SRSF3: variants seen among roughly 807,000 people sequenced by gnomAD.
SRSF3 encodes serine/arginine-rich splicing factor 3.
For missense variants in SRSF3, 58 were observed against 217.1 expected, an observed-to-expected ratio of 0.27 and a Z score of 4.61; for synonymous variants, 87 against 73.6, an observed-to-expected ratio of 1.18 and a Z score of -0.93.
chr6:36,601,661 T>A (rs1778718159), intron 4 of SRSF3, 47 bp from the exon 5 acceptor site: 1 of 1,495,364 alleles, frequency 6.7e-7, no homozygotes, highest in Non-Finnish European at 9.2e-7. Context: ...TATTTATGTA[T>A]AATTTTATCA....
At chr6:36,596,032 GTTC>G (rs201554665) in intron 1 of SRSF3, among the ~76,000 whole-genome samples, 4,013 of 152,148 alleles carry the variant, frequency 0.026, 62 homozygotes, top group African/African-American at 0.039. Flanking sequence ...TCAAGCGATT[GTTC>G]TGCCTCAGCC....
chr6:36,597,130 G>A, intron 2 of SRSF3, 162 bp downstream of exon 2: 3 of 636,488 alleles, frequency 4.7e-6, no homozygotes, highest in South Asian at 2.0e-5. Flanking sequence ...GTGGGGAGAC[G>A]AGTCTTGCAC....
intron 3 of SRSF3, chr6:36,599,900 G>A (rs1460715014): frequency 7.4e-7 from 1 of 1,351,618 alleles, no homozygotes; most frequent in African/African-American, 1.5e-5. Context: ...CATGTGACCA[G>A]CGCGCCCCAT....
rs562535751 is a variant in SRSF3, at chr6:36,598,659, G to A, written c.207-190G>A. ...GGCCTCATAAAGTGTTGGGATTACA[G>A]GCGTGTACCACCGTGCCTGGCCAAA... On this transcript the variant is annotated intron_variant, in intron 2 of 5. Coordinates refer to ENST00000373715, the MANE Select transcript of SRSF3 (RefSeq NM_003017.5). 4 of 611,198 alleles carry A rather than the reference G, an allele frequency of 6.5e-6. No individual in the cohort carries two copies. The South Asian group carries it at 8.3e-5, about 13-fold the overall frequency. The allele number at this position is 611,198 out of a possible 1,614,324, so 37.9% of individuals were successfully genotyped here. A position where few individuals can be genotyped will look rare whatever the true frequency, so the allele number is the denominator to read the frequency against.
chr6:36,597,125 G>T (rs1272146180), intron 2 of SRSF3, 157 bp downstream of exon 2: 2 of 661,954 alleles, frequency 3.0e-6, no homozygotes, highest in African/African-American at 3.8e-5. Flanking sequence ...TTTTGGTGGG[G>T]AGACGAGTCT....
In SRSF3 at chr6:36,603,895, AG is replaced by A; in HGVS notation, c.*1908del. On this transcript the variant is annotated 3_prime_UTR_variant, in exon 6 of 6. Coordinates refer to ENST00000373715, the MANE Select transcript of SRSF3 (RefSeq NM_003017.5). ...TTAAGTTGGAAGGGTTTCTGTAAAA[AG>A]GACAGTTACGGGTATAATATGGCTA... 1 of 230,796 alleles carries A rather than the reference AG, an allele frequency of 4.3e-6. No individual in the cohort carries two copies. The highest frequency in any genetic ancestry group is 6.2e-5 in the East Asian group (1 of 16,180). 14.3% of individuals were successfully genotyped at this position (230,796 alleles called of 1,614,324 possible). A position where few individuals can be genotyped will look rare whatever the true frequency, so the allele number is the denominator to read the frequency against.
Position 36,602,704 on chromosome 6 carries a change from AT to A in SRSF3, c.*724del, listed in dbSNP as rs1006615225. The A allele has an allele frequency of 1.9e-4, 39 of 210,462 alleles. No individual in the cohort carries two copies. Among genetic ancestry groups the A allele is most frequent in the African/African-American group, 2.3e-4 (10 of 43,944 alleles). The allele number at this position is 210,462 out of a possible 1,614,324, so 13.0% of individuals were successfully genotyped here. Reference sequence around the variant, plus strand: ...GCCGAACTTTGAGTTACTGTGCAAGATTTTTTTTTCATGCTGTCATTTGTAA... The same window carrying A: ...GCCGAACTTTGAGTTACTGTGCAAGATTTTTTTTCATGCTGTCATTTGTAA... On this transcript the variant is annotated 3_prime_UTR_variant, in exon 6 of 6. Coordinates refer to ENST00000373715, the MANE Select transcript of SRSF3 (RefSeq NM_003017.5).
rs933323889 is a variant in SRSF3 at position 36,603,260 on chromosome 6, G to A, written c.*1271G>A. On this transcript the variant is annotated 3_prime_UTR_variant, in exon 6 of 6. Transcript: ENST00000373715. Reference sequence around the variant, plus strand: ...AATTGCTTCCATTTTATAATTTGAGGTGTTGCATGGGAATTCTAAGCTGAT... The same window carrying A: ...AATTGCTTCCATTTTATAATTTGAGATGTTGCATGGGAATTCTAAGCTGAT... The A allele has an allele frequency of 2.2e-5, 5 of 224,434 alleles. No homozygotes were observed. Among genetic ancestry groups the A allele is most frequent in the Admixed American group, 5.7e-5 (1 of 17,438 alleles). 13.9% of individuals were successfully genotyped at this position (224,434 alleles called of 1,614,324 possible).
chr6:36,596,495 C>G (rs954630918), intron 1 of SRSF3, among the ~76,000 whole-genome samples: 1 of 143,224 alleles, frequency 7.0e-6, no homozygotes, highest in African/African-American at 2.6e-5. Flanking sequence ...TTGTTCTCAA[C>G]GTTCCAAGGA....
chr6:36,599,079 T>C (rs1467777118), intron 3 of SRSF3, 96 bp downstream of exon 3: 1 of 1,458,382 alleles, frequency 6.9e-7, no homozygotes, highest in Non-Finnish European at 9.3e-7. Flanking sequence ...TTTTAAACTT[T>C]GGAAGAATCG....
At chr6:36,601,001 C>CTTTTTTTTTTTTTTTTTTTGTTTT (rs1778703374) in intron 3 of SRSF3, 151 bp from the exon 4 acceptor site, 1 of 86,206 alleles carries the variant, frequency 1.2e-5, no homozygotes, top group South Asian at 1.7e-4. Flanking sequence ...TCTTTTTTTT[C>CTTTTTTTTTTTTTTTTTTTGTTTT]TTTTTTTTTT....
At chr6:36,597,235 A>G (rs1778645747) in intron 2 of SRSF3, 2 of 492,358 alleles carry the variant, frequency 4.1e-6, no homozygotes, top group Non-Finnish European at 7.3e-6. Flanking sequence ...CCTTCTGAGT[A>G]ACTGGGACTA....
chr6:36,599,721 A>G, intron 3 of SRSF3: 6 of 915,222 alleles, frequency 6.6e-6, no homozygotes, highest in African/African-American at 1.7e-5. Flanking sequence ...ATCATAATAA[A>G]GAGTATTTGT....
intron 2 of SRSF3, among the ~76,000 whole-genome samples, chr6:36,598,158 G>A (rs1390732020): frequency 6.6e-6 from 1 of 152,108 alleles, no homozygotes; most frequent in Non-Finnish European, 1.5e-5. Context: ...GGGACTTCAA[G>A]GGAAGAAATC....
rs533101139 is a variant in SRSF3, at chr6:36,604,808, C to T, written c.*2819C>T. On this transcript the variant is annotated 3_prime_UTR_variant, in exon 6 of 6. Transcript: ENST00000373715. ...GACTTAGTTTTTCAGGGTGACCTAA[C>T]CCTGTGTAATTTTGAGGAGTTCTAC... 2.0e-5 allele frequency: 3 copies of T among 152,288 alleles called. No homozygotes were observed. Among genetic ancestry groups the T allele is most frequent in the South Asian group, 2.1e-4 (1 of 4,824 alleles). The allele number at this position is 152,288 out of a possible 1,614,324, so 9.4% of individuals were successfully genotyped here. A position where few individuals can be genotyped will look rare whatever the true frequency, so the allele number is the denominator to read the frequency against.
At chr6:36,600,726 A>T (rs1445505163) in intron 3 of SRSF3, 1 of 156,484 alleles carries the variant, frequency 6.4e-6, no homozygotes, top group Non-Finnish European at 1.4e-5. Flanking sequence ...TCACAAAATT[A>T]CACTATCCAC....
At chr6:36,597,803 C>CTTTTTTTTT (rs377627108) in intron 2 of SRSF3, among the ~76,000 whole-genome samples, 4 of 131,234 alleles carry the variant, frequency 3.0e-5, no homozygotes, top group Non-Finnish European at 5.0e-5. Flanking sequence ...GAATAATGGT[C>CTTTTTTTTT]TTTTTTTTTT....
At chr6:36,598,519 G>T in intron 2 of SRSF3, 1 of 222,990 alleles carries the variant, frequency 4.5e-6, no homozygotes, top group Non-Finnish European at 9.1e-6. Context: ...GAGTAGCTGG[G>T]ATTACAGGCA....
chr6:36,599,688 A>G, intron 3 of SRSF3: 3 of 712,322 alleles, frequency 4.2e-6, no homozygotes, highest in South Asian at 2.9e-5. Context: ...GCTATTTTGA[A>G]AAACAACAGC....
Sources: allele counts gnomAD v4.1 joint callset (sites outside exome capture counted in the v4.1 genomes callset), GRCh38; gene constraint gnomAD v4.1.1; transcripts MANE v1.5; gene names NCBI Gene and HGNC (gene_info 2026-07-23, HGNC 2026-07-21).